The following CFAP46 variants were observed in gnomAD, a reference collection of about 807,000 sequenced individuals.
The protein encoded by CFAP46 is cilia- and flagella-associated protein 46.
In CFAP46, 245 loss-of-function variants were observed where a neutral mutation model predicts 325.7. The ratio of observed to expected loss-of-function variants is 0.75; its 90% CI spans 0.68 to 0.84. The LOEUF (loss-of-function observed/expected upper bound fraction) is 0.84. Among genes scored for constraint, CFAP46 ranks in the 40% least tolerant of loss-of-function variants. The pLI, the probability that CFAP46 is intolerant of heterozygous loss-of-function variation, is 0.00. For synonymous variants in CFAP46, 1,523 were observed against 1,495.9 expected, an observed-to-expected ratio of 1.02 and a Z score of -0.42; for missense variants, 3,346 against 3,543.0, an observed-to-expected ratio of 0.94 and a Z score of 1.41.
At chr10:132,924,642 T>A in intron 11 of CFAP46, 54 bp downstream of exon 11, 1 of 1,392,544 alleles carries the variant, frequency 7.2e-7, no homozygotes, top group South Asian at 1.6e-5. Flanking sequence ...CTCCTCTGTC[T>A]CCTCCTATGC....
rs1850102179 is a variant in CFAP46, at chr10:132,941,594, G to A, written c.303C>T (p.Asn101=). ...AGGGGCACAGGACGCCTCTCACCAG[G>A]TTTTCTGCCGACTTCGGGGCACACA... ...AQMCAPKSAE[N]LEEFENCVTE... Residue 101 remains asparagine (N), a synonymous_variant, in exon 3 of 58, where the codon AAC becomes AAT. Coordinates refer to ENST00000368586, the MANE Select transcript of CFAP46 (RefSeq NM_001200049.3). 4 of 1,612,720 alleles carry A rather than the reference G, an allele frequency of 2.5e-6. No homozygotes were observed. Among genetic ancestry groups the A allele is most frequent in the Non-Finnish European group, 3.4e-6 (4 of 1,179,210 alleles).
chr10:132,841,448 T>A (rs1291134166), intron 44 of CFAP46, among the ~76,000 whole-genome samples: 1 of 152,218 alleles, frequency 6.6e-6, no homozygotes, highest in East Asian at 1.9e-4. Context: ...GCAGCCCACA[T>A]GGCTGCTCTT....
intron 39 of CFAP46, among the ~76,000 whole-genome samples, chr10:132,851,969 T>C: frequency 6.6e-6 from 1 of 151,552 alleles, no homozygotes; most frequent in African/African-American, 2.4e-5. Context: ...TCCATTTACT[T>C]AGGAATTCTC....
Position 132,909,984 on chromosome 10 carries a change from T to TGGC in CFAP46, c.2581_2583dup (p.Ala861dup). ...AGCAGCTGCTTGGCCTTGACCCAGG[T>TGGC]GGCGATAAGCTGCTGCCGGGTGCCG... On this transcript the variant is annotated inframe_insertion, in exon 20 of 58. Transcript: ENST00000368586. 1 of 1,542,964 alleles carries TGGC rather than the reference T, an allele frequency of 6.5e-7. No homozygotes were observed.
chr10:132,870,236 C>T (rs12264417), intron 32 of CFAP46, among the ~76,000 whole-genome samples: 3,739 of 152,144 alleles, frequency 0.025, 160 homozygotes, highest in African/African-American at 0.082. Flanking sequence ...GCAGCTTGGC[C>T]GCTCCCGCAT....
chr10:132,926,740 A>T, intron 9 of CFAP46, 74 bp from the exon 10 acceptor site: 1 of 1,127,096 alleles, frequency 8.9e-7, no homozygotes. Flanking sequence ...TGAAATTCAA[A>T]GGCATTTAAA....
chr10:132,833,331 A>T (rs748250927), intron 50 of CFAP46, 27 bp downstream of exon 50: 2 of 1,591,180 alleles, frequency 1.3e-6, no homozygotes, highest in Non-Finnish European at 1.7e-6. Context: ...AAAATTACAC[A>T]TTAAGGTGGC....
chr10:132,881,374 C>T (rs948213617), intron 27 of CFAP46, among the ~76,000 whole-genome samples: 9 of 152,166 alleles, frequency 5.9e-5, no homozygotes, highest in African/African-American at 9.7e-5. Flanking sequence ...GTCCTGCTGT[C>T]GCTCTGTCTG....
chr10:132,834,611 C>G, intron 48 of CFAP46, 43 bp downstream of exon 48: 1 of 1,605,652 alleles, frequency 6.2e-7, no homozygotes, highest in East Asian at 2.2e-5. Context: ...CGTGTCCATG[C>G]GTGAGCGTGG....
intron 35 of CFAP46, among the ~76,000 whole-genome samples, chr10:132,862,224 G>T (rs536399501): frequency 1.3e-5 from 2 of 152,186 alleles, no homozygotes; most frequent in Non-Finnish European, 2.9e-5. Context: ...GGAGGGAAGA[G>T]GGGGAGGCCC....
At chr10:132,822,054 G>GA (rs1847857202) in intron 50 of CFAP46, among the ~76,000 whole-genome samples, 1 of 144,190 alleles carries the variant, frequency 6.9e-6, no homozygotes, top group Non-Finnish European at 1.5e-5. Flanking sequence ...GATGTGTGCT[G>GA]TGTGTGCTGA....
chr10:132,922,024 A>G, intron 13 of CFAP46, 80 bp downstream of exon 13: 1 of 1,470,464 alleles, frequency 6.8e-7, no homozygotes, highest in South Asian at 1.3e-5. Flanking sequence ...GAGCATGGGG[A>G]CTGGGGAGGC....
At chr10:132,820,926 T>A (rs1341458047) in intron 50 of CFAP46, among the ~76,000 whole-genome samples, 2 of 125,634 alleles carry the variant, frequency 1.6e-5, no homozygotes, top group Non-Finnish European at 3.3e-5. Flanking sequence ...TGATGTGTGC[T>A]GTGTGTGCGC....
intron 41 of CFAP46, among the ~76,000 whole-genome samples, chr10:132,848,258 A>G (rs1044328475): frequency 2.6e-5 from 4 of 152,334 alleles, no homozygotes; most frequent in Middle Eastern, 6.8e-3. Flanking sequence ...AAGAAATTGC[A>G]ATGGAATTTA....
In CFAP46 at chr10:132,808,615, G is replaced by T. The variant is rs750730989; in HGVS notation, c.7954C>A (p.Pro2652Thr). 3.7e-6 allele frequency: 6 copies of T among 1,611,458 alleles called. No homozygotes were observed. The highest frequency in any genetic ancestry group is 5.1e-6 in the Non-Finnish European group (6 of 1,179,182). ...ALGAASARDP[P>T]PATSRKAAAW... Reference sequence around the variant, plus strand: ...GCTGCCTTGCGGGAAGTCGCTGGGGGAGGGTCCCTGGCTGAGGCTGCACCA... The same window carrying T: ...GCTGCCTTGCGGGAAGTCGCTGGGGTAGGGTCCCTGGCTGAGGCTGCACCA... Residue 2652 changes from proline to threonine, a missense_variant, in exon 58 of 58, where the codon CCC (proline) becomes ACC (threonine). Transcript: ENST00000368586. The surrounding 1 kb of genome is among the most constrained non-coding windows in gnomAD (Gnocchi z 6.8).
intron 37 of CFAP46, 112 bp from the exon 38 acceptor site, chr10:132,859,359 A>C: frequency 1.2e-6 from 1 of 846,072 alleles, no homozygotes; most frequent in Non-Finnish European, 1.8e-6. Context: ...GCTCGGAGAA[A>C]CGCTTTCGGA....
At position 132,877,534 on chromosome 10, in the gene CFAP46, G is replaced by A. The variant is rs544842400; in HGVS notation, c.4212+347C>T. ...CTGAGCCTGGCAGACCTGGGACAAC[G>A]TGCTCTGTGCAAACTGCGTGCATTA... On this transcript the variant is annotated intron_variant, in intron 30 of 57. Coordinates refer to ENST00000368586, the MANE Select transcript of CFAP46 (RefSeq NM_001200049.3). The surrounding 1 kb of genome is among the most constrained non-coding windows in gnomAD (Gnocchi z 5.7). Among the ~76,000 whole-genome samples, 6 of 152,370 alleles carry A rather than the reference G, an allele frequency of 3.9e-5. No individual in the cohort carries two copies. Among genetic ancestry groups the A allele is most frequent in the South Asian group, 4.1e-4 (2 of 4,822 alleles).
At chr10:132,818,207 G>A (rs780087629) in intron 50 of CFAP46, among the ~76,000 whole-genome samples, 3 of 152,158 alleles carry the variant, frequency 2.0e-5, no homozygotes, top group Non-Finnish European at 4.4e-5. Context: ...GCGCCGGGCA[G>A]TGGGGAAGGG....
At position 132,886,612 on chromosome 10, in the gene CFAP46, A is replaced by C. The variant is rs527906901; in HGVS notation, c.3305-653T>G. Among the ~76,000 whole-genome samples, 99 of 152,312 alleles carry C rather than the reference A, an allele frequency of 6.5e-4. No homozygotes were observed. The highest frequency in any genetic ancestry group is 4.3e-3 in the Admixed American group (66 of 15,308). The stretch of plus-strand genomic sequence containing the variant: ...AACCCTCAGTGTCTGGGCGAGCTGC[A>C]GATGAACTTGAAGGGCCCTGAAGAG... On this transcript the variant is annotated intron_variant, in intron 25 of 57. Transcript: ENST00000368586. This position sits in a 1 kb window ranked among gnomAD's most constrained non-coding sequence, Gnocchi z 5.8.
Sources: allele counts gnomAD v4.1 joint callset (sites outside exome capture counted in the v4.1 genomes callset), GRCh38; gene constraint gnomAD v4.1.1; non-coding constraint Gnocchi (gnomAD v3.1); transcripts MANE v1.5; gene names NCBI Gene and HGNC (gene_info 2026-07-23, HGNC 2026-07-21).